The following COG4 variants were observed in gnomAD, a reference collection of about 807,000 sequenced individuals.
The protein encoded by COG4 is conserved oligomeric Golgi complex subunit 4.
Under a neutral mutation model 95.1 loss-of-function variants are expected in COG4, and 65 were observed. The ratio of observed to expected loss-of-function variants is 0.68; its 90% CI spans 0.56 to 0.84. The LOEUF (loss-of-function observed/expected upper bound fraction) is 0.84, where lower values mean the gene tolerates loss of function less well. Ranked by LOEUF, COG4 falls within the 40% of genes least tolerant of loss-of-function variation. The pLI, the probability that COG4 is intolerant of heterozygous loss-of-function variation, is 0.00. For synonymous variants in COG4, 421 were observed against 374.8 expected (o/e 1.12, Z -1.42); for missense variants, 1,045 against 989.1 (o/e 1.06, Z -0.76).
intron 8 of COG4, among the ~76,000 whole-genome samples, chr16:70,502,964 T>A (rs2151753380): frequency 6.6e-6 from 1 of 152,250 alleles, no homozygotes; most frequent in South Asian, 2.1e-4. Context: ...GAGATCCACA[T>A]GAAAAAGAAT....
At chr16:70,522,402 T>G (rs1041282926) in intron 1 of COG4, among the ~76,000 whole-genome samples, 1 of 152,198 alleles carries the variant, frequency 6.6e-6, no homozygotes, top group African/African-American at 2.4e-5. Context: ...CCATTCTGAT[T>G]GCAGCACAAC....
chr16:70,521,723 A>G (rs1318725961), intron 1 of COG4, among the ~76,000 whole-genome samples: 2 of 140,116 alleles, frequency 1.4e-5, no homozygotes, highest in East Asian at 4.1e-4. Flanking sequence ...TTTTTTTGAG[A>G]CAGAGTCTCA....
At chr16:70,499,147 T>C (rs2049398161) in intron 9 of COG4, among the ~76,000 whole-genome samples, 1 of 152,216 alleles carries the variant, frequency 6.6e-6, no homozygotes, top group Non-Finnish European at 1.5e-5. Flanking sequence ...GCACTTGAAA[T>C]GTGATGAACA....
At position 70,488,053 on chromosome 16, in the gene COG4, G is replaced by A. The variant is rs559500585; in HGVS notation, c.1710+2277C>T. 2.6e-5 allele frequency among the ~76,000 whole-genome samples: 4 copies of A among 152,118 alleles called. No individual in the cohort carries two copies. In the South Asian group the frequency reaches 6.2e-4, roughly 24 times the overall value. ...TTTGCCAGGCTGGTCTCAAACTCCT[G>A]ACCTCAGGTAATCCTCCCGCCTTGG... On this transcript the variant is annotated intron_variant, in intron 13 of 18. Coordinates refer to ENST00000323786, the MANE Select transcript of COG4 (RefSeq NM_015386.3).
intron 13 of COG4, among the ~76,000 whole-genome samples, chr16:70,488,621 C>T (rs2049183660): frequency 6.6e-6 from 1 of 152,156 alleles, no homozygotes; most frequent in African/African-American, 2.4e-5. Flanking sequence ...AATCTCGGCT[C>T]ACTGCAACCT....
At chr16:70,487,292 A>T (rs868303364) in intron 13 of COG4, among the ~76,000 whole-genome samples, 41 of 150,802 alleles carry the variant, frequency 2.7e-4, no homozygotes, top group Middle Eastern at 3.4e-3. Flanking sequence ...TAAAAAAATA[A>T]AAATAAAAAA....
intron 2 of COG4, among the ~76,000 whole-genome samples, chr16:70,518,066 G>A (rs527327866): frequency 1.0e-3 from 153 of 152,182 alleles, no homozygotes; most frequent in Non-Finnish European, 1.8e-3. Context: ...GAGTAGCTGG[G>A]ACTACAGGCG....
chr16:70,508,382 TGAA>T (rs1281835396), intron 8 of COG4, 21 bp downstream of exon 8: 2 of 1,602,448 alleles, frequency 1.2e-6, no homozygotes, highest in Middle Eastern at 1.7e-4. Context: ...TCCTGTGGGC[TGAA>T]GAAGAGAGAA....
chr16:70,487,742 T>G (rs988008504), intron 13 of COG4, among the ~76,000 whole-genome samples: 1 of 152,244 alleles, frequency 6.6e-6, no homozygotes, highest in Admixed American at 6.5e-5. Context: ...GCCCCCCTCA[T>G]TTTCCAATAG....
intron 18 of COG4, 63 bp downstream of exon 18, chr16:70,481,296 G>A (rs1018034012): frequency 6.2e-6 from 10 of 1,607,888 alleles, no homozygotes; most frequent in Admixed American, 5.0e-5. Context: ...GGGAAGTGGC[G>A]GGGATCCATC....
chr16:70,509,487 T>C, intron 6 of COG4, 99 bp from the exon 7 acceptor site: 1 of 1,366,874 alleles, frequency 7.3e-7, no homozygotes, highest in Non-Finnish European at 1.0e-6. Flanking sequence ...CTCAATCCTT[T>C]TGGCTGCTTC....
intron 8 of COG4, among the ~76,000 whole-genome samples, chr16:70,506,872 G>C (rs1212963371): frequency 6.6e-6 from 1 of 151,962 alleles, no homozygotes; most frequent in Non-Finnish European, 1.5e-5. Flanking sequence ...GTCACTCTGG[G>C]GGCTTCAAAA....
intron 3 of COG4, among the ~76,000 whole-genome samples, chr16:70,514,995 T>C (rs2049792378): frequency 6.7e-6 from 1 of 149,588 alleles, no homozygotes; most frequent in African/African-American, 2.5e-5. Flanking sequence ...ATTACAGGTC[T>C]GAGTCACAGA....
chr16:70,503,914 G>A (rs1042317259), intron 8 of COG4, among the ~76,000 whole-genome samples: 6 of 152,126 alleles, frequency 3.9e-5, no homozygotes, highest in African/African-American at 1.4e-4. Context: ...TACTCTTAAG[G>A]TCTCAGATCT....
At chr16:70,505,617 C>T (rs1481602333) in intron 8 of COG4, among the ~76,000 whole-genome samples, 1 of 149,970 alleles carries the variant, frequency 6.7e-6, no homozygotes, top group Non-Finnish European at 1.5e-5. Context: ...ATCATGAGGT[C>T]AGGAGATCGA....
chr16:70,518,398 A>T (rs1490323977), intron 2 of COG4, among the ~76,000 whole-genome samples: 2 of 151,830 alleles, frequency 1.3e-5, no homozygotes, highest in Non-Finnish European at 2.9e-5. Flanking sequence ...TCACTCTGCC[A>T]CTCAGGCTAG....
chr16:70,512,180 G>A, intron 5 of COG4, 59 bp downstream of exon 5: 1 of 1,494,140 alleles, frequency 6.7e-7, no homozygotes, highest in Non-Finnish European at 9.3e-7. Flanking sequence ...TCCATCCAGT[G>A]CCCCAATCTG....
intron 8 of COG4, among the ~76,000 whole-genome samples, chr16:70,503,132 G>C (rs1210784183): frequency 6.6e-6 from 1 of 152,094 alleles, no homozygotes; most frequent in African/African-American, 2.4e-5. Context: ...CTCACTGCAG[G>C]CTCAGCTTCC....
At chr16:70,502,600 T>C (rs945433230) in intron 8 of COG4, among the ~76,000 whole-genome samples, 15 of 133,092 alleles carry the variant, frequency 1.1e-4, no homozygotes, top group African/African-American at 6.1e-4. Context: ...AAACTCCGTC[T>C]TAAAAAAAAA....
Sources: allele counts gnomAD v4.1 joint callset (sites outside exome capture counted in the v4.1 genomes callset), GRCh38; gene constraint gnomAD v4.1.1; transcripts MANE v1.5; gene names NCBI Gene and HGNC (gene_info 2026-07-23, HGNC 2026-07-21).